Variants in ENOX1 observed in about 807,000 individuals in gnomAD.
ENOX1 encodes candidate growth-related and time keeping constitutive hydroquinone (NADH) oxidase.
In ENOX1, 42 loss-of-function variants were observed where a neutral mutation model predicts 82.5. The ratio of observed to expected loss-of-function variants is 0.51; its 90% CI spans 0.40 to 0.66. The LOEUF is 0.66. ENOX1 is among the 30% of genes least tolerant of loss of function. The probability of loss-of-function intolerance (pLI) is 0.00; values close to 1 mark genes in which losing one functional copy is unlikely to be tolerated. For missense variants in ENOX1, 608 were observed against 811.6 expected, an observed-to-expected ratio of 0.75 and a Z score of 3.05; for synonymous variants, 271 against 282.2, an observed-to-expected ratio of 0.96 and a Z score of 0.40.
intron 14 of ENOX1, among the ~76,000 whole-genome samples, chr13:43,238,441 G>C (rs2042655934): frequency 6.6e-6 from 1 of 152,194 alleles, no homozygotes; most frequent in Non-Finnish European, 1.5e-5. Context: ...TTTCTCCATT[G>C]GAACAGAGCA....
intron 3 of ENOX1, among the ~76,000 whole-genome samples, chr13:43,454,227 C>A (rs2057113084): frequency 6.6e-6 from 1 of 152,022 alleles, no homozygotes; most frequent in South Asian, 2.1e-4. Context: ...ACTTTGCCTA[C>A]CACTCCTCCT....
intron 1 of ENOX1, among the ~76,000 whole-genome samples, chr13:43,764,617 T>C (rs560470445): frequency 1.6e-4 from 25 of 151,794 alleles, no homozygotes; most frequent in African/African-American, 5.6e-4. Flanking sequence ...TAAGATAACA[T>C]CATGGCTCTC....
chr13:43,645,423 T>C (rs1474174326), intron 2 of ENOX1, among the ~76,000 whole-genome samples: 1 of 152,250 alleles, frequency 6.6e-6, no homozygotes, highest in South Asian at 2.1e-4. Context: ...CCTACCAAAG[T>C]GCTGGGATTA....
intron 9 of ENOX1, among the ~76,000 whole-genome samples, chr13:43,341,902 G>A (rs952167107): frequency 3.3e-5 from 5 of 152,192 alleles, no homozygotes; most frequent in Admixed American, 6.5e-5. Flanking sequence ...GAAGTTGGCT[G>A]GGGATGGATT....
intron 3 of ENOX1, among the ~76,000 whole-genome samples, chr13:43,476,219 A>T (rs9594952): frequency 0.2 from 31,139 of 152,094 alleles, 3,674 homozygotes; most frequent in Middle Eastern, 0.28. Context: ...AGCACATGCT[A>T]GGTATAACGC....
Position 43,786,757 on chromosome 13 carries a change from C to T in ENOX1, c.-390G>A, listed in dbSNP as rs1952658510. On this transcript the variant is annotated 5_prime_UTR_variant, in exon 1 of 17. Transcript: ENST00000690772. The surrounding 1 kb of genome is among the most constrained non-coding windows in gnomAD (Gnocchi z 6.0). ...GGCGTCCTCCTCCTCCTTTGCTTCT[C>T]CCGGACTCTGTCCCGGGCACGGAGC... is the stretch of plus-strand genomic sequence containing the variant. The T allele has an allele frequency of 6.6e-6, 1 of 152,234 alleles. No homozygotes were observed. The allele number at this position is 152,234 out of a possible 1,614,324, so 9.4% of individuals were successfully genotyped here. A position where few individuals can be genotyped will look rare whatever the true frequency, so the allele number is the denominator to read the frequency against.
chr13:43,372,113 GGTT>G (rs1217426287), intron 5 of ENOX1, among the ~76,000 whole-genome samples: 1 of 152,156 alleles, frequency 6.6e-6, no homozygotes, highest in African/African-American at 2.4e-5. Context: ...AGTAGTATTT[GGTT>G]GTTGAGTCCA....
intron 1 of ENOX1, among the ~76,000 whole-genome samples, chr13:43,772,986 C>A (rs1354185217): frequency 2.6e-5 from 4 of 152,180 alleles, no homozygotes; most frequent in African/African-American, 9.6e-5. Flanking sequence ...GTCCCCCTTA[C>A]AGATAATCAA....
At chr13:43,688,272 G>C (rs1354045505) in intron 1 of ENOX1, among the ~76,000 whole-genome samples, 8 of 152,098 alleles carry the variant, frequency 5.3e-5, no homozygotes, top group Admixed American at 5.2e-4. Flanking sequence ...ATGGAGAATG[G>C]ATTATAAAAC....
chr13:43,762,914 T>C (rs1951066519), intron 1 of ENOX1, among the ~76,000 whole-genome samples: 1 of 152,216 alleles, frequency 6.6e-6, no homozygotes, highest in Non-Finnish European at 1.5e-5. Context: ...GCCCTACTAA[T>C]GGAAGTTAAT....
intron 2 of ENOX1, among the ~76,000 whole-genome samples, chr13:43,516,075 A>G (rs1462490591): frequency 6.6e-6 from 1 of 152,192 alleles, no homozygotes; most frequent in Non-Finnish European, 1.5e-5. Flanking sequence ...TTCTGCCCTA[A>G]GTATCTAGCA....
Position 43,561,234 on chromosome 13 carries a change from G to T in ENOX1, c.-218-77082C>A, listed in dbSNP as rs61959548. On this transcript the variant is annotated intron_variant, in intron 2 of 16. Transcript: ENST00000690772. ...TAGAGTGTAGTCTGTGTAGGACACC[G>T]ATTAGACTCACCCCTGGTTTGGCAG... Among the ~76,000 whole-genome samples the T allele has an allele frequency of 1.8e-3, 278 of 152,160 alleles. 2 individuals are homozygous for T. The highest frequency in any genetic ancestry group is 3.1e-3 in the Non-Finnish European group (213 of 67,988).
chr13:43,599,689 C>T (rs1388738036), intron 2 of ENOX1, among the ~76,000 whole-genome samples: 1 of 151,768 alleles, frequency 6.6e-6, no homozygotes, highest in African/African-American at 2.4e-5. Flanking sequence ...AAGACACCAG[C>T]CAGGGCAGCC....
In ENOX1 at chr13:43,559,598, G is replaced by A. The variant is rs183189523; in HGVS notation, c.-218-75446C>T. The stretch of plus-strand genomic sequence containing the variant: ...TATTGAGGTATGCATAAATTATCCC[G>A]TTATAGCTATCCAAAACTGTGAACA... On this transcript the variant is annotated intron_variant, in intron 2 of 16. Coordinates refer to ENST00000690772, the MANE Select transcript of ENOX1 (RefSeq NM_001347969.2). Among the ~76,000 whole-genome samples, 28 of 152,124 alleles carry A rather than the reference G, an allele frequency of 1.8e-4. No individual in the cohort carries two copies. The East Asian group carries it at 2.9e-3, about 16-fold the overall frequency.
intron 1 of ENOX1, among the ~76,000 whole-genome samples, chr13:43,676,469 C>T (rs1390801474): frequency 6.6e-6 from 1 of 152,142 alleles, no homozygotes; most frequent in Non-Finnish European, 1.5e-5. Flanking sequence ...GGACTCCCAC[C>T]TCAAATTTAG....
At chr13:43,659,421 C>T (rs2084607469) in intron 2 of ENOX1, among the ~76,000 whole-genome samples, 1 of 151,484 alleles carries the variant, frequency 6.6e-6, no homozygotes, top group Non-Finnish European at 1.5e-5. Context: ...GCCTGGGAGG[C>T]AGAGGTTGTG....
chr13:43,335,242 T>C (rs1043640160), intron 9 of ENOX1, among the ~76,000 whole-genome samples: 1 of 152,240 alleles, frequency 6.6e-6, no homozygotes, highest in African/African-American at 2.4e-5. Flanking sequence ...TGTCTGTGGC[T>C]ACTCTTCCAT....
rs1042691924 is a variant in ENOX1 at position 43,213,468 on chromosome 13, A to T, written c.*522T>A. The T allele has an allele frequency of 1.3e-5, 2 of 151,752 alleles. No homozygotes were observed. The highest frequency in any genetic ancestry group is 2.9e-5 in the Non-Finnish European group (2 of 67,936). 9.4% of individuals were successfully genotyped at this position (151,752 alleles called of 1,614,324 possible). ...CAAAATACAATAACTGTTTAGACAC[A>T]TATTCAAGTTTTCTTTTGGTATGCT... On this transcript the variant is annotated 3_prime_UTR_variant, in exon 17 of 17. Transcript: ENST00000690772.
chr13:43,420,940 T>C (rs949861645), intron 3 of ENOX1, among the ~76,000 whole-genome samples: 1 of 152,204 alleles, frequency 6.6e-6, no homozygotes. Flanking sequence ...ATGATCAATG[T>C]CAGCTGATTA....
Sources: allele counts gnomAD v4.1 joint callset (sites outside exome capture counted in the v4.1 genomes callset), GRCh38; gene constraint gnomAD v4.1.1; non-coding constraint Gnocchi (gnomAD v3.1); transcripts MANE v1.5; gene names NCBI Gene and HGNC (gene_info 2026-07-23, HGNC 2026-07-21).